The following UNC93A variants were observed in gnomAD, a reference collection of about 807,000 sequenced individuals.
UNC93A encodes the protein unc-93 homolog A.
Under a neutral mutation model 47.5 loss-of-function variants are expected in UNC93A, and 43 were observed. The ratio of observed to expected loss-of-function variants is 0.91; its 90% CI spans 0.71 to 1.17. The LOEUF is 1.17. Among genes scored for constraint, UNC93A ranks in the 50% most tolerant of loss-of-function variants. The probability of loss-of-function intolerance (pLI) is 0.00; values close to 1 mark genes in which losing one functional copy is unlikely to be tolerated. For missense variants in UNC93A, 605 were observed against 577.6 expected (o/e 1.05, Z -0.49); for synonymous variants, 280 against 258.0 (o/e 1.09, Z -0.82).
chr6:167,292,978 A>T (rs1255746810), intron 1 of UNC93A, among the ~76,000 whole-genome samples: 1 of 152,214 alleles, frequency 6.6e-6, no homozygotes, highest in South Asian at 2.1e-4. Context: ...TGGCTCAGCC[A>T]CTGTCTGAAA....
intron 1 of UNC93A, among the ~76,000 whole-genome samples, chr6:167,285,827 T>C (rs1783717215): frequency 6.6e-6 from 1 of 151,566 alleles, no homozygotes. Context: ...CTTCTTAAAT[T>C]AGATATTCTT....
At chr6:167,295,583 G>C (rs546282126) in intron 2 of UNC93A, among the ~76,000 whole-genome samples, 475 of 18,000 alleles carry the variant, frequency 0.026, 10 homozygotes, top group African/African-American at 0.057. Context: ...ATCCTCGCCT[G>C]CCTCGTGCTC....
chr6:167,276,719 A>G (rs897054083), intron 1 of UNC93A, among the ~76,000 whole-genome samples: 7 of 152,322 alleles, frequency 4.6e-5, no homozygotes, highest in South Asian at 2.1e-4. Context: ...AAATTTTCAC[A>G]GGACACTACT....
intron 1 of UNC93A, among the ~76,000 whole-genome samples, chr6:167,276,502 T>C (rs533589448): frequency 6.6e-6 from 1 of 152,286 alleles, no homozygotes; most frequent in South Asian, 2.1e-4. Flanking sequence ...TGTACAATAG[T>C]ATTATTCTTC....
chr6:167,311,262 T>C (rs968807451), intron 7 of UNC93A, among the ~76,000 whole-genome samples: 2 of 152,190 alleles, frequency 1.3e-5, no homozygotes, highest in Admixed American at 1.3e-4. Context: ...TCATCACTGC[T>C]CAATTTAAAG....
At chr6:167,292,859 G>T (rs751496148) in intron 1 of UNC93A, among the ~76,000 whole-genome samples, 1 of 152,188 alleles carries the variant, frequency 6.6e-6, no homozygotes, top group Non-Finnish European at 1.5e-5. Flanking sequence ...TGCAGAAGGA[G>T]ACCCTGCTGT....
intron 1 of UNC93A, among the ~76,000 whole-genome samples, chr6:167,281,396 T>A (rs1783631479): frequency 6.6e-6 from 1 of 152,110 alleles, no homozygotes; most frequent in South Asian, 2.1e-4. Flanking sequence ...GGAGTGAGAA[T>A]GGATTGGAGT....
At chr6:167,283,175 G>C (rs576496824) in intron 1 of UNC93A, among the ~76,000 whole-genome samples, 15 of 152,298 alleles carry the variant, frequency 9.8e-5, no homozygotes, top group African/African-American at 3.6e-4. Flanking sequence ...ACACAGCTTT[G>C]CAGGGCCATT....
At chr6:167,290,328 C>A (rs1783818976), upstream of UNC93A, among the ~76,000 whole-genome samples, 1 of 152,140 alleles carries the variant, frequency 6.6e-6, no homozygotes, top group African/African-American at 2.4e-5. Context: ...AACTTTACCC[C>A]ATTTATCATT....
chr6:167,305,282 A>T (rs933099006), intron 5 of UNC93A, among the ~76,000 whole-genome samples: 1 of 152,166 alleles, frequency 6.6e-6, no homozygotes, highest in African/African-American at 2.4e-5. Flanking sequence ...GAATCTTAGG[A>T]GCTTAAAAGA....
chr6:167,280,588 GAC>G (rs1348101232), intron 1 of UNC93A, among the ~76,000 whole-genome samples: 3 of 152,240 alleles, frequency 2.0e-5, no homozygotes, highest in Non-Finnish European at 4.4e-5. Flanking sequence ...TAGAGAGTCA[GAC>G]AGAGAGCCCC....
intron 1 of UNC93A, among the ~76,000 whole-genome samples, chr6:167,278,681 T>A (rs1783582962): frequency 6.6e-6 from 1 of 152,122 alleles, no homozygotes. Flanking sequence ...TCTAGATTGA[T>A]TATCTGCAAA....
At chr6:167,276,123 C>T (rs1483254197) in intron 1 of UNC93A, among the ~76,000 whole-genome samples, 2 of 146,544 alleles carry the variant, frequency 1.4e-5, no homozygotes, top group Non-Finnish European at 3.0e-5. Context: ...ACTTTCTGTT[C>T]CTGACTTACA....
chr6:167,301,969 T>C (rs930783223), intron 4 of UNC93A, among the ~76,000 whole-genome samples: 11 of 152,174 alleles, frequency 7.2e-5, no homozygotes, highest in African/African-American at 2.7e-4. Context: ...AAGAAACACC[T>C]GTGGCAGCAG....
rs1387692890 is a variant in UNC93A at position 167,296,164 on chromosome 6, G to T, written c.402G>T (p.Val134=). ...EKAGKRGKDM[V]NQYFGIFFLI... is the part of the protein sequence containing the mutation. ...CGGGAAAGCGTGGCAAAGACATGGT[G>T]AACCAGTATTTTGGCATCTTCTTCC... Residue 134 remains valine, a synonymous_variant, in exon 3 of 8, where the codon GTG becomes GTT. Coordinates refer to ENST00000230256, the MANE Select transcript of UNC93A (RefSeq NM_018974.4). 1.2e-6 allele frequency: 2 copies of T among 1,614,128 alleles called. No homozygotes were observed. Among genetic ancestry groups the T allele is most frequent in the Non-Finnish European group, 1.7e-6 (2 of 1,180,060 alleles).
At chr6:167,302,223 G>A (rs939347903) in intron 4 of UNC93A, among the ~76,000 whole-genome samples, 2 of 152,132 alleles carry the variant, frequency 1.3e-5, no homozygotes, top group Non-Finnish European at 2.9e-5. Context: ...CCAGTTTCAG[G>A]AACGCTCAGC....
chr6:167,312,308 A>G (rs1778581487), intron 7 of UNC93A, among the ~76,000 whole-genome samples: 1 of 151,470 alleles, frequency 6.6e-6, no homozygotes, highest in African/African-American at 2.4e-5. Flanking sequence ...TGCCGGCCAC[A>G]TCTCTCCACT....
rs185437101 is a variant in UNC93A, at chr6:167,272,328, C to T, written c.-52+870C>T. On this transcript the variant is annotated intron_variant, in intron 1 of 3. Transcript: ENST00000503433. The stretch of plus-strand genomic sequence containing the variant: ...ACAAATCTCTGCTCTCAGGCCTGCT[C>T]CCGGTCCCAGTGACGTTTAGAGCAC... 3.9e-5 allele frequency among the ~76,000 whole-genome samples: 6 copies of T among 152,312 alleles called. No homozygotes were observed. In the East Asian group the frequency reaches 1.2e-3, roughly 29 times the overall value.
chr6:167,310,113 A>G (rs555800033), intron 7 of UNC93A, among the ~76,000 whole-genome samples: 2 of 152,252 alleles, frequency 1.3e-5, no homozygotes, highest in Non-Finnish European at 2.9e-5. Context: ...AGCATCAAAC[A>G]GTATTTGTTT....
Sources: allele counts gnomAD v4.1 joint callset (sites outside exome capture counted in the v4.1 genomes callset), GRCh38; gene constraint gnomAD v4.1.1; transcripts MANE v1.5; gene names NCBI Gene and HGNC (gene_info 2026-07-23, HGNC 2026-07-21).